IPP: variants seen among roughly 807,000 people sequenced by gnomAD.
IPP encodes the protein intracisternal A particle-promoted polypeptide.
Under a neutral mutation model 64.1 loss-of-function variants are expected in IPP, and 41 were observed. The observed-to-expected ratio is 0.64, with a 90% CI of 0.50 to 0.83. IPP has a LOEUF of 0.83. Ranked by LOEUF, IPP falls within the 40% of genes least tolerant of loss-of-function variation. IPP has a pLI of 0.00. For synonymous variants in IPP, 214 were observed against 235.2 expected (o/e 0.91, Z 0.83); for missense variants, 649 against 703.0 (o/e 0.92, Z 0.87).
At chr1:45,719,089 G>T in intron 6 of IPP, 114 bp downstream of exon 6, 1 of 894,712 alleles carries the variant, frequency 1.1e-6, no homozygotes. Context: ...TACGCATTAT[G>T]TGCCTGTATC....
chr1:45,727,143 G>C (rs971179125), intron 5 of IPP, among the ~76,000 whole-genome samples: 1 of 152,052 alleles, frequency 6.6e-6, no homozygotes, highest in Non-Finnish European at 1.5e-5. Context: ...TCTGCCTCCT[G>C]GGCTCAAGCA....
At chr1:45,725,512 G>A (rs1645810607) in intron 5 of IPP, among the ~76,000 whole-genome samples, 1 of 139,360 alleles carries the variant, frequency 7.2e-6, no homozygotes, top group African/African-American at 2.6e-5. Context: ...CGGGAGGTGA[G>A]GGGCGCTTCT....
intron 5 of IPP, among the ~76,000 whole-genome samples, chr1:45,726,851 G>A (rs997802493): frequency 1.3e-5 from 2 of 151,372 alleles, no homozygotes; most frequent in Non-Finnish European, 2.9e-5. Flanking sequence ...AGCCTCCTGA[G>A]TAGCTGGGAT....
chr1:45,748,670 T>TCAA (rs964173282), intron 1 of IPP, among the ~76,000 whole-genome samples: 18 of 150,120 alleles, frequency 1.2e-4, no homozygotes, highest in African/African-American at 3.7e-4. Flanking sequence ...AGACCGTGTC[T>TCAA]CAACAACAAC....
intron 5 of IPP, among the ~76,000 whole-genome samples, chr1:45,726,352 G>A (rs1456303029): frequency 6.6e-6 from 1 of 152,032 alleles, no homozygotes; most frequent in Non-Finnish European, 1.5e-5. Flanking sequence ...CAGCTACAGA[G>A]GAGGCTGAGG....
intron 1 of IPP, among the ~76,000 whole-genome samples, chr1:45,748,975 AAAAAAAGG>A (rs998983735): frequency 4.6e-5 from 7 of 151,970 alleles, no homozygotes; most frequent in African/African-American, 1.7e-4. Flanking sequence ...GTCTCAAAAA[AAAAAAAGG>A]AAAAAAAGGG....
At chr1:45,713,122 G>T (rs2148556046) in intron 8 of IPP, among the ~76,000 whole-genome samples, 1 of 152,234 alleles carries the variant, frequency 6.6e-6, no homozygotes, top group East Asian at 1.9e-4. Flanking sequence ...TAGAAAAAAA[G>T]AGCTGAGATT....
At chr1:45,697,198 T>C (rs1030135386), downstream of IPP, 1 of 152,214 alleles carries the variant, frequency 6.6e-6, no homozygotes, top group Non-Finnish European at 1.5e-5. Context: ...TCCTAATAAA[T>C]GCATATGGTT....
chr1:45,699,760 T>C lies in IPP; in HGVS notation c.*206A>G. The C allele has an allele frequency of 7.5e-7, 1 of 1,333,352 alleles. No individual in the cohort carries two copies. The highest frequency in any genetic ancestry group is 9.8e-7 in the Non-Finnish European group (1 of 1,023,304). 82.6% of individuals were successfully genotyped at this position (1,333,352 alleles called of 1,614,324 possible). A position where few individuals can be genotyped will look rare whatever the true frequency, so the allele number is the denominator to read the frequency against. On this transcript the variant is annotated 3_prime_UTR_variant, in exon 9 of 9. Coordinates refer to ENST00000396478, the MANE Select transcript of IPP (RefSeq NM_005897.3). Reference sequence around the variant, plus strand: ...TTACTACAACCTCAAATTCCTGGGCTCAAGTGATCCTTCTGCCTCAGCCTT... The same window carrying C: ...TTACTACAACCTCAAATTCCTGGGCCCAAGTGATCCTTCTGCCTCAGCCTT...
intron 7 of IPP, 78 bp from the exon 8 acceptor site, chr1:45,714,544 A>C: frequency 2.4e-6 from 2 of 832,392 alleles, no homozygotes; most frequent in Non-Finnish European, 4.1e-6. Context: ...ATTGTGATCT[A>C]TGTTTCCAAT....
Position 45,750,591 on chromosome 1 carries a change from C to T in IPP, c.-51+6G>A, listed in dbSNP as rs1287301229. 2 of 152,492 alleles carry T rather than the reference C, an allele frequency of 1.3e-5. No individual in the cohort carries two copies. Among genetic ancestry groups the T allele is most frequent in the Non-Finnish European group, 2.9e-5 (2 of 68,240 alleles). The allele number at this position is 152,492 out of a possible 1,614,324, so 9.4% of individuals were successfully genotyped here. A position where few individuals can be genotyped will look rare whatever the true frequency, so the allele number is the denominator to read the frequency against. ...ACAGACGCGCCCGAACGCAGGCCCTCCTTACCCGCCGCTTCCCCTTCCCTC... is the reference window on the plus strand; with the variant it reads ...ACAGACGCGCCCGAACGCAGGCCCTTCTTACCCGCCGCTTCCCCTTCCCTC... On this transcript the variant is annotated splice_donor_region_variant and intron_variant, in intron 1 of 8. Coordinates refer to ENST00000396478, the MANE Select transcript of IPP (RefSeq NM_005897.3).
At chr1:45,748,660 A>C (rs1248115073) in intron 1 of IPP, among the ~76,000 whole-genome samples, 1 of 152,116 alleles carries the variant, frequency 6.6e-6, no homozygotes, top group African/African-American at 2.4e-5. Flanking sequence ...CAACAGAGCA[A>C]GACCGTGTCT....
Position 45,699,368 on chromosome 1 carries a change from T to C in IPP, c.*598A>G. ...ATTATGCTCTGGATATAATTGTGAA[T>C]ATAGAGGTCTTTAAACTGTGTCATT... On this transcript the variant is annotated 3_prime_UTR_variant, in exon 9 of 9. Coordinates refer to ENST00000396478, the MANE Select transcript of IPP (RefSeq NM_005897.3). 1.0e-6 allele frequency: 1 copy of C among 985,054 alleles called. No individual in the cohort carries two copies. The highest frequency in any genetic ancestry group is 1.2e-6 in the Non-Finnish European group (1 of 829,578). 61.0% of individuals were successfully genotyped at this position (985,054 alleles called of 1,614,324 possible).
At chr1:45,701,982 T>C (rs1645461542) in intron 8 of IPP, among the ~76,000 whole-genome samples, 1 of 152,234 alleles carries the variant, frequency 6.6e-6, no homozygotes, top group Admixed American at 6.5e-5. Context: ...TTTGATCATC[T>C]GAAATTACAC....
intron 8 of IPP, among the ~76,000 whole-genome samples, chr1:45,709,330 G>A (rs1324884098): frequency 2.7e-5 from 4 of 150,632 alleles, no homozygotes; most frequent in African/African-American, 9.7e-5. Flanking sequence ...CTACTCGGGA[G>A]GCTGAGGCAG....
chr1:45,699,111 T>C lies in IPP; in HGVS notation c.*855A>G. ...CATCTGGTCACTAAGAACCTCCTAT[T>C]AATTCCTTACTTGCATTCTCAGGAT... On this transcript the variant is annotated 3_prime_UTR_variant, in exon 9 of 9. Transcript: ENST00000396478. 2.3e-5 allele frequency: 23 copies of C among 985,304 alleles called. No individual in the cohort carries two copies. Among genetic ancestry groups the C allele is most frequent in the Non-Finnish European group, 2.4e-5 (20 of 829,890 alleles). The allele number at this position is 985,304 out of a possible 1,614,324, so 61.0% of individuals were successfully genotyped here.
Position 45,741,263 on chromosome 1 carries a change from T to C in IPP, c.362A>G (p.Glu121Gly), listed in dbSNP as rs1188639651. 1.2e-6 allele frequency: 2 copies of C among 1,614,036 alleles called. No individual in the cohort carries two copies. Among genetic ancestry groups the C allele is most frequent in the Non-Finnish European group, 1.7e-6 (2 of 1,179,898 alleles). The change falls in exon 3 of 9, where the codon GAA (glutamate) becomes GGA (glycine). Residue 121 changes from glutamate to glycine, a missense_variant. By Grantham distance (98) the Glu-to-Gly change is moderately conservative. Transcript: ENST00000396478. Reference sequence around the variant, plus strand: ...AAATTCACAGCAAAGATGAACAACTTCAGTCAACTGTAGCATGTCTGCTGC... The same window carrying C: ...AAATTCACAGCAAAGATGAACAACTCCAGTCAACTGTAGCATGTCTGCTGC... ...IIAADMLQLTEVVHLCCEFLK... is the reference protein window; with the variant it reads ...IIAADMLQLTGVVHLCCEFLK...
chr1:45,728,156 G>GTGTA (rs1645857952), intron 4 of IPP, among the ~76,000 whole-genome samples: 1 of 151,016 alleles, frequency 6.6e-6, no homozygotes, highest in African/African-American at 2.4e-5. Context: ...GTGTGTGTGT[G>GTGTA]TGTGTGTGTG....
At chr1:45,746,887 C>T (rs866186514) in intron 1 of IPP, among the ~76,000 whole-genome samples, 2 of 152,178 alleles carry the variant, frequency 1.3e-5, no homozygotes, top group East Asian at 1.9e-4. Context: ...GTACACTTCC[C>T]GTAGCACACA....
Sources: allele counts gnomAD v4.1 joint callset (sites outside exome capture counted in the v4.1 genomes callset), GRCh38; gene constraint gnomAD v4.1.1; transcripts MANE v1.5; gene names NCBI Gene and HGNC (gene_info 2026-07-23, HGNC 2026-07-21).